The following LOC400499 variants were observed in gnomAD, a reference collection of about 807,000 sequenced individuals.
chr16:11,460,498 C>G, the LOC400499 span: 3 of 1,531,526 alleles, frequency 2.0e-6, no homozygotes, highest in East Asian at 2.5e-5. Context: ...AGGCTAGGAT[C>G]TGTGTGCAGT....
the LOC400499 span, among the ~76,000 whole-genome samples, chr16:11,487,792 G>C: frequency 1.3e-5 from 2 of 152,278 alleles, no homozygotes; most frequent in East Asian, 3.9e-4. Context: ...ACAGCCCTCA[G>C]CAAGCCACAG....
the LOC400499 span, chr16:11,435,982 G>A: frequency 2.5e-6 from 1 of 397,828 alleles, no homozygotes; most frequent in Non-Finnish European, 4.4e-6. Flanking sequence ...CTCCAACTTT[G>A]AGCACTCACC....
chr16:11,389,006 G>C, the LOC400499 span, among the ~76,000 whole-genome samples: 1 of 152,214 alleles, frequency 6.6e-6, no homozygotes, highest in East Asian at 1.9e-4. Context: ...AGAATCCCTT[G>C]AACTTGGGAG....
At chr16:11,462,128 G>C in the LOC400499 span, 2 of 1,509,448 alleles carry the variant, frequency 1.3e-6, no homozygotes, top group Non-Finnish European at 1.8e-6. Context: ...TGTCACGTTG[G>C]CCTGGTCACT....
At chr16:11,527,436 G>GA in the LOC400499 span, among the ~76,000 whole-genome samples, 6 of 151,700 alleles carry the variant, frequency 4.0e-5, no homozygotes, top group South Asian at 4.2e-4. Flanking sequence ...GCCTAGAGGG[G>GA]AAAAAAAAGG....
chr16:11,416,012 G>A, the LOC400499 span, among the ~76,000 whole-genome samples: 1 of 150,700 alleles, frequency 6.6e-6, no homozygotes, highest in Non-Finnish European at 1.5e-5. Flanking sequence ...CTGGAGTGCT[G>A]TGGCGTGATC....
chr16:11,383,442 G>A, the LOC400499 span, among the ~76,000 whole-genome samples: 1 of 152,166 alleles, frequency 6.6e-6, no homozygotes, highest in Non-Finnish European at 1.5e-5. Context: ...CAAACGGAGG[G>A]CACTAGGCCA....
At chr16:11,382,964 A>G in the LOC400499 span, among the ~76,000 whole-genome samples, 1 of 152,118 alleles carries the variant, frequency 6.6e-6, no homozygotes, top group Non-Finnish European at 1.5e-5. Context: ...TCACAGTTTT[A>G]CAGGCTGTAC....
chr16:11,377,875 C>T, the LOC400499 span, among the ~76,000 whole-genome samples: 1 of 152,176 alleles, frequency 6.6e-6, no homozygotes, highest in Non-Finnish European at 1.5e-5. Context: ...GGTATTGATT[C>T]TTCAAATGTT....
chr16:11,412,289 A>G, the LOC400499 span, among the ~76,000 whole-genome samples: 1 of 152,168 alleles, frequency 6.6e-6, no homozygotes, highest in Non-Finnish European at 1.5e-5. Context: ...GGTGTGTCCT[A>G]GGCACTGTAA....
the LOC400499 span, among the ~76,000 whole-genome samples, chr16:11,445,211 A>C: frequency 9.8e-5 from 15 of 152,298 alleles, no homozygotes; most frequent in East Asian, 2.9e-3. Context: ...ACTTGAAGTC[A>C]GAAGTTTGAG....
the LOC400499 span, among the ~76,000 whole-genome samples, chr16:11,373,956 G>A: frequency 6.6e-6 from 1 of 152,160 alleles, no homozygotes; most frequent in African/African-American, 2.4e-5. Flanking sequence ...GGTAAGAGAA[G>A]TGTTGAAAAT....
At chr16:11,425,878 T>C in the LOC400499 span, among the ~76,000 whole-genome samples, 1 of 152,004 alleles carries the variant, frequency 6.6e-6, no homozygotes, top group Non-Finnish European at 1.5e-5. Flanking sequence ...ATACCAAACC[T>C]GACGAAAGCT....
At chr16:11,372,454 C>G in the LOC400499 span, 4 of 152,290 alleles carry the variant, frequency 2.6e-5, no homozygotes, top group Non-Finnish European at 5.9e-5. Flanking sequence ...CTGGTACTTG[C>G]TGGCCGCACT....
the LOC400499 span, among the ~76,000 whole-genome samples, chr16:11,412,185 C>A: frequency 6.6e-6 from 1 of 152,140 alleles, no homozygotes; most frequent in Non-Finnish European, 1.5e-5. Flanking sequence ...GTTGCTAACT[C>A]CAGGGTGCTA....
chr16:11,385,283 C>G, the LOC400499 span: 1 of 1,232,178 alleles, frequency 8.1e-7, no homozygotes, highest in African/African-American at 1.6e-5. Flanking sequence ...CCGAGCCTGT[C>G]CGACTCAGCG....
At chr16:11,515,874 CAGCCCAGCCCAGCCCAGCCTAGCCCAG>C in the LOC400499 span, 1 of 52,874 alleles carries the variant, frequency 1.9e-5, no homozygotes, top group Non-Finnish European at 5.2e-5. Flanking sequence ...CAGCCCAGCC[CAGCCCAGCCCAGCCCAGCCTAGCCCAG>C]CCCAGCCCAG....
At chr16:11,455,453 G>A in the LOC400499 span, among the ~76,000 whole-genome samples, 1 of 152,002 alleles carries the variant, frequency 6.6e-6, no homozygotes, top group Non-Finnish European at 1.5e-5. Flanking sequence ...TTGGGGTAGG[G>A]GCCAGGCACA....
At chr16:11,504,923 G>C in the LOC400499 span, among the ~76,000 whole-genome samples, 1 of 147,244 alleles carries the variant, frequency 6.8e-6, no homozygotes, top group Non-Finnish European at 1.5e-5. Context: ...ACCCTGTCTC[G>C]AAAAAAAAAA....
Sources: gnomAD v4.1 joint callset for allele counts (sites outside exome capture counted in the v4.1 genomes callset) on GRCh38, gnomAD v4.1.1 for gene constraint, MANE v1.5 for transcripts.